ANKS1B: variants seen among roughly 807,000 people sequenced by gnomAD.
ANKS1B encodes ankyrin repeat and sterile alpha motif domain containing 1B, also known as ankyrin repeat and sterile alpha motif domain-containing protein 1B.
Under a neutral mutation model 148.3 loss-of-function variants are expected in ANKS1B, and 36 were observed. That is an observed-to-expected ratio of 0.24 (90% CI 0.19 to 0.32). The LOEUF (loss-of-function observed/expected upper bound fraction) is 0.32, where lower values mean the gene tolerates loss of function less well. Among genes scored for constraint, ANKS1B ranks in the 10% least tolerant of loss-of-function variants. ANKS1B has a pLI of 1.00. For synonymous variants in ANKS1B, 542 were observed against 560.8 expected, an observed-to-expected ratio of 0.97 and a Z score of 0.47; for missense variants, 1,157 against 1,542.6, an observed-to-expected ratio of 0.75 and a Z score of 4.19.
chr12:99,921,916 C>T (rs995046554), intron 1 of ANKS1B, among the ~76,000 whole-genome samples: 1 of 152,016 alleles, frequency 6.6e-6, no homozygotes, highest in Admixed American at 6.6e-5. Flanking sequence ...AGTATAATTA[C>T]AGCAAGCACT....
At chr12:98,999,892 T>C (rs997497984) in intron 17 of ANKS1B, among the ~76,000 whole-genome samples, 2 of 152,174 alleles carry the variant, frequency 1.3e-5, no homozygotes, top group Non-Finnish European at 2.9e-5. Context: ...TCTCCCACAG[T>C]GTGAAGGAGG....
At chr12:99,225,392 AT>A (rs2085751558) in intron 14 of ANKS1B, among the ~76,000 whole-genome samples, 1 of 152,054 alleles carries the variant, frequency 6.6e-6, no homozygotes, top group South Asian at 2.1e-4. Context: ...AGTTGTAGTC[AT>A]TTTTCTTAAT....
At chr12:99,811,884 A>ATTGAAT (rs2068419743) in intron 3 of ANKS1B, among the ~76,000 whole-genome samples, 1 of 151,904 alleles carries the variant, frequency 6.6e-6, no homozygotes, top group South Asian at 2.1e-4. Context: ...AATGGCTATA[A>ATTGAAT]AATGGCTGAT....
chr12:99,337,007 G>A (rs1217402127), intron 12 of ANKS1B, among the ~76,000 whole-genome samples: 1 of 151,870 alleles, frequency 6.6e-6, no homozygotes. Flanking sequence ...GAATCTGCTT[G>A]GTATTCTATC....
In ANKS1B at chr12:99,655,080, G is replaced by C; in HGVS notation, c.1259C>G (p.Pro420Arg). 1 of 1,580,630 alleles carries C rather than the reference G, an allele frequency of 6.3e-7. No individual in the cohort carries two copies. Among genetic ancestry groups the C allele is most frequent in the Non-Finnish European group, 8.6e-7 (1 of 1,159,878 alleles). Residue 420 changes from proline (P) to arginine (R), a missense_variant, in exon 9 of 27, where the codon CCC becomes CGC. By Grantham distance (103) the Pro-to-Arg change is moderately radical. This residue lies in a region of ANKS1B where 661 missense variants were observed against 642.1 expected (regional missense o/e 1.03). Coordinates refer to ENST00000683438, the MANE Select transcript of ANKS1B (RefSeq NM_001352186.2). ...PCNGCRNLGF[P>R]MLAQESYPKK... Reference sequence around the variant, plus strand: ...GCAAACTTTTACCTGGGCAAGCATGGGGAAGCCAAGGTTCCTACATCCATT... The same window carrying C: ...GCAAACTTTTACCTGGGCAAGCATGCGGAAGCCAAGGTTCCTACATCCATT...
chr12:98,869,703 G>A (rs2099643457), intron 17 of ANKS1B, among the ~76,000 whole-genome samples: 1 of 53,478 alleles, frequency 1.9e-5, no homozygotes, highest in South Asian at 6.1e-4. Context: ...GTGTGTGTAT[G>A]TGTGTATATA....
Position 98,884,427 on chromosome 12 carries a change from T to C in ANKS1B, c.2779-52291A>G, listed in dbSNP as rs369764528. Among the ~76,000 whole-genome samples, 14 of 152,372 alleles carry C rather than the reference T, an allele frequency of 9.2e-5. 1 individual carries two copies. The highest frequency in any genetic ancestry group is 3.1e-4 in the African/African-American group (13 of 41,588). On this transcript the variant is annotated intron_variant, in intron 17 of 26. Coordinates refer to ENST00000683438, the MANE Select transcript of ANKS1B (RefSeq NM_001352186.2). ...ATATGTACTTCTTGATCTTGATTAG[T>C]ATATATTCATCATATGCTTCTCTGT...
chr12:99,691,158 C>T (rs900065058), intron 8 of ANKS1B, among the ~76,000 whole-genome samples: 7 of 152,190 alleles, frequency 4.6e-5, no homozygotes, highest in African/African-American at 1.7e-4. Context: ...TGCAAGGCAC[C>T]ATGTTCCAAG....
chr12:99,574,333 AAG>A (rs1193902884), intron 9 of ANKS1B, among the ~76,000 whole-genome samples: 1 of 152,076 alleles, frequency 6.6e-6, no homozygotes, highest in African/African-American at 2.4e-5. Flanking sequence ...TAAGCTACAA[AAG>A]TTGTTGCCAG....
In ANKS1B at chr12:99,779,867, T is replaced by C. The variant is rs2064073935; in HGVS notation, c.847+4A>G. ...AAACTCATCCATCATTCAATACTGT[T>C]TACCTTGTAAGAGTGTTGCAATCTG... is the stretch of plus-strand genomic sequence containing the variant. On this transcript the variant is annotated splice_donor_region_variant and intron_variant, in intron 6 of 26. Coordinates refer to ENST00000683438, the MANE Select transcript of ANKS1B (RefSeq NM_001352186.2). The C allele has an allele frequency of 6.2e-7, 1 of 1,605,018 alleles. No individual in the cohort carries two copies. The highest frequency in any genetic ancestry group is 8.5e-7 in the Non-Finnish European group (1 of 1,172,116).
rs564756812 is a variant in ANKS1B, at chr12:99,645,264, C to T, written c.1272+9803G>A. ...TATCTTGCCATTTCCTCATTTCAAA[C>T]GTTGGTTCTTTTAAAAGTTTTGGGA... On this transcript the variant is annotated intron_variant, in intron 9 of 26. Coordinates refer to ENST00000683438, the MANE Select transcript of ANKS1B (RefSeq NM_001352186.2). 2.6e-5 allele frequency among the ~76,000 whole-genome samples: 4 copies of T among 152,274 alleles called. No individual in the cohort carries two copies. The South Asian group carries it at 8.3e-4, about 32-fold the overall frequency.
intron 18 of ANKS1B, among the ~76,000 whole-genome samples, chr12:98,830,399 T>C (rs2099294102): frequency 6.6e-6 from 1 of 152,176 alleles, no homozygotes; most frequent in Non-Finnish European, 1.5e-5. Flanking sequence ...CCAGTATTCA[T>C]GTAGTCCCTA....
chr12:99,409,947 C>A (rs1302076519), intron 11 of ANKS1B, among the ~76,000 whole-genome samples: 1 of 152,222 alleles, frequency 6.6e-6, no homozygotes, highest in African/African-American at 2.4e-5. Flanking sequence ...GGCTTCTCCA[C>A]TTTAAAACAT....
chr12:98,827,704 A>G (rs2099261142), intron 19 of ANKS1B, among the ~76,000 whole-genome samples: 1 of 152,180 alleles, frequency 6.6e-6, no homozygotes, highest in Non-Finnish European at 1.5e-5. Context: ...AAATTATGTG[A>G]GCAGCTGAGA....
intron 11 of ANKS1B, among the ~76,000 whole-genome samples, chr12:99,442,383 C>G (rs147279624): frequency 9.9e-5 from 15 of 151,890 alleles, no homozygotes; most frequent in African/African-American, 3.1e-4. Flanking sequence ...GGCACTATGT[C>G]AAATGTTACC....
chr12:99,052,734 C>CAAAAAAAAAAAAAAAAAAA (rs56965572), intron 17 of ANKS1B, among the ~76,000 whole-genome samples: 1 of 26,006 alleles, frequency 3.8e-5, no homozygotes, highest in Admixed American at 6.8e-4. Context: ...GACTCCGTCT[C>CAAAAAAAAAAAAAAAAAAA]AAAAAAAAAA....
intron 12 of ANKS1B, among the ~76,000 whole-genome samples, chr12:99,377,663 A>G (rs937122155): frequency 1.3e-5 from 2 of 152,230 alleles, no homozygotes; most frequent in African/African-American, 4.8e-5. Context: ...AAAAGAGTGT[A>G]TATTTTCTTC....
Position 98,943,100 on chromosome 12 carries a change from C to A in ANKS1B, c.2778+110057G>T, listed in dbSNP as rs117384354. Among the ~76,000 whole-genome samples the A allele has an allele frequency of 2.4e-3, 366 of 152,314 alleles. 5 individuals carry two copies. The East Asian group carries it at 0.048, about 20-fold the overall frequency. On this transcript the variant is annotated intron_variant, in intron 17 of 26. Coordinates refer to ENST00000683438, the MANE Select transcript of ANKS1B (RefSeq NM_001352186.2). Reference sequence around the variant, plus strand: ...TCCTTTATCTTCTTACGATTGTACACCCTGTTCAACCATCTTTGGGCTTGT... The same window carrying A: ...TCCTTTATCTTCTTACGATTGTACAACCTGTTCAACCATCTTTGGGCTTGT...
rs200196756 is a variant in ANKS1B at position 98,924,084 on chromosome 12, AT to A, written c.2779-91949del. On this transcript the variant is annotated intron_variant, in intron 17 of 26. Transcript: ENST00000683438. ...CTCTATTTATGCCTAGATTCTTCCTATTTCTCCCATTCTTCCCTCAGGATAG... is the reference window on the plus strand; with the variant it reads ...CTCTATTTATGCCTAGATTCTTCCTATTCTCCCATTCTTCCCTCAGGATAG... Among the ~76,000 whole-genome samples the A allele has an allele frequency of 2.4e-3, 359 of 152,194 alleles. 3 individuals are homozygous for A. The East Asian group carries it at 0.045, about 19-fold the overall frequency.
Sources: gnomAD v4.1 joint callset for allele counts (sites outside exome capture counted in the v4.1 genomes callset) on GRCh38, gnomAD v4.1.1 for gene constraint, gnomAD v4.1.1 regional missense constraint, MANE v1.5 for transcripts, NCBI Gene and HGNC (gene_info 2026-07-23, HGNC 2026-07-21) for gene names.